The following LRRC4C variants were observed in gnomAD, a reference collection of about 807,000 sequenced individuals.
The protein encoded by LRRC4C is leucine rich repeat containing 4C, also known as leucine-rich repeat-containing protein 4C.
LRRC4C carries 5 observed loss-of-function variants against 33.6 expected under a neutral mutation model. That is an observed-to-expected ratio of 0.15 (90% CI 0.08 to 0.31). The LOEUF (loss-of-function observed/expected upper bound fraction) is 0.31. Among genes scored for constraint, LRRC4C ranks in the 10% least tolerant of loss-of-function variants. LRRC4C has a pLI of 1.00. For missense variants in LRRC4C, 560 were observed against 796.7 expected (o/e 0.70, Z 3.58); for synonymous variants, 329 against 302.0 (o/e 1.09, Z -0.93).
At chr11:40,855,485 C>T (rs932562890) in intron 2 of LRRC4C, among the ~76,000 whole-genome samples, 2 of 152,110 alleles carry the variant, frequency 1.3e-5, no homozygotes, top group African/African-American at 4.8e-5. Context: ...GGCACACTTA[C>T]TATGTTTTGT....
chr11:40,984,149 T>C (rs1346987709), intron 1 of LRRC4C, among the ~76,000 whole-genome samples: 1 of 112,378 alleles, frequency 8.9e-6, no homozygotes, highest in Non-Finnish European at 1.9e-5. Context: ...AAGAAAAAAG[T>C]AAAGAAAGAA....
intron 3 of LRRC4C, among the ~76,000 whole-genome samples, chr11:40,449,394 C>T (rs993111465): frequency 2.0e-5 from 3 of 151,582 alleles, no homozygotes; most frequent in Admixed American, 6.6e-5. Context: ...CCAGATCCCA[C>T]GGATACCTAG....
At chr11:40,118,019 TTAATTTCATTATAAATAC>T (rs1384704105) in intron 6 of LRRC4C, among the ~76,000 whole-genome samples, 5 of 149,068 alleles carry the variant, frequency 3.4e-5, no homozygotes, top group East Asian at 1.9e-4. Context: ...ATATTAAATA[TTAATTTCATTATAAATAC>T]TAATTTCATT....
At chr11:40,521,863 G>A (rs140296765) in intron 3 of LRRC4C, among the ~76,000 whole-genome samples, 34 of 151,572 alleles carry the variant, frequency 2.2e-4, no homozygotes, top group East Asian at 1.4e-3. Context: ...GCGAGACACC[G>A]TCTCAAAAAA....
intron 1 of LRRC4C, among the ~76,000 whole-genome samples, chr11:41,114,615 A>G (rs928883940): frequency 2.0e-5 from 3 of 152,186 alleles, no homozygotes; most frequent in African/African-American, 7.2e-5. Flanking sequence ...TTTTTTACAC[A>G]TCTCTAAATT....
chr11:41,443,053 T>C (rs1267566241), intron 1 of LRRC4C, among the ~76,000 whole-genome samples: 2 of 150,658 alleles, frequency 1.3e-5, no homozygotes, highest in East Asian at 3.9e-4. Flanking sequence ...CTTCTAGTTA[T>C]TTATTTATTT....
chr11:41,127,828 G>A (rs537461359), intron 1 of LRRC4C, among the ~76,000 whole-genome samples: 2 of 152,152 alleles, frequency 1.3e-5, no homozygotes, highest in African/African-American at 4.8e-5. Context: ...TGGAGTAGAG[G>A]CTCATAACAA....
At chr11:40,436,263 A>T (rs1027959289) in intron 3 of LRRC4C, among the ~76,000 whole-genome samples, 1 of 152,190 alleles carries the variant, frequency 6.6e-6, no homozygotes, top group South Asian at 2.1e-4. Flanking sequence ...ATAAACAGAA[A>T]GCTTTGGGAA....
chr11:40,148,913 C>T (rs1857964300), intron 5 of LRRC4C, among the ~76,000 whole-genome samples: 1 of 152,106 alleles, frequency 6.6e-6, no homozygotes, highest in Non-Finnish European at 1.5e-5. Flanking sequence ...AGCCAGTTAC[C>T]CCAGCACTAT....
chr11:40,473,760 G>T (rs908593477), intron 3 of LRRC4C, among the ~76,000 whole-genome samples: 2 of 152,122 alleles, frequency 1.3e-5, no homozygotes, highest in African/African-American at 4.8e-5. Flanking sequence ...CAAAGTCTCA[G>T]GATGCAAAAT....
intron 5 of LRRC4C, among the ~76,000 whole-genome samples, chr11:40,239,180 C>T (rs1865770325): frequency 6.6e-6 from 1 of 152,134 alleles, no homozygotes; most frequent in South Asian, 2.1e-4. Context: ...CCTAACTCCC[C>T]AGCAGAACTG....
intron 3 of LRRC4C, among the ~76,000 whole-genome samples, chr11:40,481,165 T>G (rs1296266582): frequency 6.6e-6 from 1 of 152,106 alleles, no homozygotes; most frequent in Non-Finnish European, 1.5e-5. Context: ...CTCGTATACT[T>G]CACTTAGCAG....
intron 2 of LRRC4C, among the ~76,000 whole-genome samples, chr11:40,905,302 C>T (rs926010974): frequency 6.6e-6 from 1 of 152,098 alleles, no homozygotes; most frequent in Non-Finnish European, 1.5e-5. Context: ...CTTCTCTCCA[C>T]TCCCAGTTTC....
intron 1 of LRRC4C, among the ~76,000 whole-genome samples, chr11:41,041,326 G>T (rs1040196516): frequency 1.4e-4 from 21 of 152,266 alleles, no homozygotes; most frequent in Admixed American, 5.2e-4. Context: ...TACGAGGAAA[G>T]GAAGTCTTAT....
At position 40,750,692 on chromosome 11, in the gene LRRC4C, T is replaced by C. The variant is rs1271774957; in HGVS notation, c.-406-102414A>G. 6.1e-5 allele frequency among the ~76,000 whole-genome samples: 9 copies of C among 148,290 alleles called. No individual in the cohort carries two copies. In the East Asian group the frequency reaches 1.7e-3, roughly 28 times the overall value. On this transcript the variant is annotated intron_variant, in intron 2 of 6. Coordinates refer to ENST00000528697, the MANE Select transcript of LRRC4C (RefSeq NM_001258419.2). ...GGGGGAGGGACAGCATTAGGAGATA[T>C]ACCTAATGTTAATGACGAGTTAATG... is the stretch of plus-strand genomic sequence containing the variant.
chr11:40,958,632 C>T (rs951328142), intron 1 of LRRC4C, among the ~76,000 whole-genome samples: 2 of 151,652 alleles, frequency 1.3e-5, no homozygotes, highest in African/African-American at 4.8e-5. Context: ...ATGTAATTTT[C>T]TATGATTCAA....
chr11:40,977,343 G>T (rs991251239), intron 1 of LRRC4C, among the ~76,000 whole-genome samples: 1 of 152,272 alleles, frequency 6.6e-6, no homozygotes, highest in East Asian at 1.9e-4. Context: ...AGTGGAGTTT[G>T]CATGTACCAC....
At chr11:40,208,436 G>C (rs1236001731) in intron 5 of LRRC4C, among the ~76,000 whole-genome samples, 1 of 152,112 alleles carries the variant, frequency 6.6e-6, no homozygotes, top group East Asian at 1.9e-4. Context: ...GAATATCCTG[G>C]ATTGGTGTGA....
chr11:40,906,532 A>C (rs1956424836), intron 2 of LRRC4C, among the ~76,000 whole-genome samples: 1 of 152,148 alleles, frequency 6.6e-6, no homozygotes, highest in Non-Finnish European at 1.5e-5. Flanking sequence ...ACAGACAAAC[A>C]AACAAACAAA....
Sources: gnomAD v4.1 joint callset for allele counts (sites outside exome capture counted in the v4.1 genomes callset) on GRCh38, gnomAD v4.1.1 for gene constraint, MANE v1.5 for transcripts, NCBI Gene and HGNC (gene_info 2026-07-23, HGNC 2026-07-21) for gene names.